TMEM117: variants seen among roughly 807,000 people sequenced by gnomAD.
TMEM117 encodes transmembrane protein 117.
TMEM117 carries 27 observed loss-of-function variants against 52.4 expected under a neutral mutation model. The observed-to-expected ratio is 0.51, with a 90% confidence interval of 0.38 to 0.71. The LOEUF is 0.71. TMEM117 is among the 30% of genes least tolerant of loss of function. The pLI is 0.00. For synonymous variants in TMEM117, 215 were observed against 206.3 expected, an observed-to-expected ratio of 1.04 and a Z score of -0.36; for missense variants, 556 against 630.5, an observed-to-expected ratio of 0.88 and a Z score of 1.26.
intron 3 of TMEM117, among the ~76,000 whole-genome samples, chr12:44,103,555 C>A (rs1294578969): frequency 6.6e-6 from 1 of 151,762 alleles, no homozygotes; most frequent in East Asian, 1.9e-4. Context: ...CTTCCTATTT[C>A]TCCTCTATTA....
chr12:44,078,415 C>A (rs1040402564), intron 3 of TMEM117, among the ~76,000 whole-genome samples: 2 of 152,196 alleles, frequency 1.3e-5, no homozygotes, highest in African/African-American at 4.8e-5. Flanking sequence ...AAGTGGCTGT[C>A]CCCAGCTGGA....
chr12:44,195,777 G>A (rs1199510104), intron 4 of TMEM117, among the ~76,000 whole-genome samples: 1 of 151,930 alleles, frequency 6.6e-6, no homozygotes, highest in Non-Finnish European at 1.5e-5. Context: ...AATTAGGCTG[G>A]ATATGGTAGC....
At chr12:44,258,917 G>A (rs1950290702) in intron 5 of TMEM117, among the ~76,000 whole-genome samples, 1 of 152,052 alleles carries the variant, frequency 6.6e-6, no homozygotes. Flanking sequence ...GAGATGTGCT[G>A]TAAGCATAAA....
At chr12:44,208,623 T>C (rs1301548306) in intron 4 of TMEM117, among the ~76,000 whole-genome samples, 3 of 151,930 alleles carry the variant, frequency 2.0e-5, no homozygotes, top group Non-Finnish European at 2.9e-5. Flanking sequence ...CTTCTGCCAA[T>C]TTAGCTACAA....
chr12:44,198,712 G>A (rs549531902), intron 4 of TMEM117, among the ~76,000 whole-genome samples: 1 of 152,226 alleles, frequency 6.6e-6, no homozygotes, highest in African/African-American at 2.4e-5. Context: ...AAAGGAACCT[G>A]GTTTGGAATT....
intron 3 of TMEM117, among the ~76,000 whole-genome samples, chr12:44,100,540 G>C (rs1267050908): frequency 6.6e-6 from 1 of 151,906 alleles, no homozygotes; most frequent in Admixed American, 6.6e-5. Context: ...GTGATGGTGT[G>C]TTTTCACCCA....
chr12:44,088,227 T>C (rs1947604824), intron 3 of TMEM117, among the ~76,000 whole-genome samples: 1 of 152,208 alleles, frequency 6.6e-6, no homozygotes, highest in Non-Finnish European at 1.5e-5. Flanking sequence ...AATTTCTGTA[T>C]AAATATGAAG....
At chr12:44,203,203 C>A (rs893883660) in intron 4 of TMEM117, among the ~76,000 whole-genome samples, 1 of 152,094 alleles carries the variant, frequency 6.6e-6, no homozygotes, top group Non-Finnish European at 1.5e-5. Context: ...TTATATGTTA[C>A]CAGGAATTTA....
downstream of TMEM117, among the ~76,000 whole-genome samples, chr12:44,391,436 G>T (rs1952161258): frequency 6.6e-6 from 1 of 152,058 alleles, no homozygotes; most frequent in Non-Finnish European, 1.5e-5. Context: ...TTCTCCATCT[G>T]CCCTAAGAGT....
chr12:44,398,659 G>T, the TMEM117 span, among the ~76,000 whole-genome samples: 2 of 152,142 alleles, frequency 1.3e-5, no homozygotes, highest in African/African-American at 4.8e-5. Flanking sequence ...AACTGCTGGG[G>T]GCAGGCTACT....
intron 1 of TMEM117, among the ~76,000 whole-genome samples, chr12:43,840,336 T>G (rs549546199): frequency 6.6e-6 from 1 of 152,248 alleles, no homozygotes; most frequent in Non-Finnish European, 1.5e-5. Flanking sequence ...TAAGAGATGC[T>G]TGTAAAGCTC....
At chr12:44,248,067 A>G (rs1290770280) in intron 5 of TMEM117, among the ~76,000 whole-genome samples, 1 of 152,184 alleles carries the variant, frequency 6.6e-6, no homozygotes, top group Non-Finnish European at 1.5e-5. Flanking sequence ...GAAGCCAAGT[A>G]TGAGGATATA....
chr12:43,954,265 A>G (rs1192118537), intron 3 of TMEM117, among the ~76,000 whole-genome samples: 3 of 152,196 alleles, frequency 2.0e-5, no homozygotes, highest in African/African-American at 4.8e-5. Context: ...GAGGAAACAA[A>G]TCTCATAGTT....
chr12:44,342,786 A>G (rs563806209), intron 6 of TMEM117, among the ~76,000 whole-genome samples: 5 of 152,274 alleles, frequency 3.3e-5, no homozygotes, highest in Admixed American at 2.6e-4. Flanking sequence ...CATCTGGCAA[A>G]TGTAGATTGA....
chr12:44,219,605 G>A (rs17094299), intron 5 of TMEM117, among the ~76,000 whole-genome samples: 16,128 of 152,044 alleles, frequency 0.11, 946 homozygotes, highest in Middle Eastern at 0.2. Flanking sequence ...AGGGTTTTCA[G>A]GGGCTTAATT....
chr12:44,226,762 A>G (rs1949867248), intron 5 of TMEM117, among the ~76,000 whole-genome samples: 1 of 152,102 alleles, frequency 6.6e-6, no homozygotes, highest in Non-Finnish European at 1.5e-5. Context: ...CAGGGCAAAG[A>G]CAGCCATCTA....
At chr12:44,392,253 GA>G (rs1952164756), downstream of TMEM117, among the ~76,000 whole-genome samples, 1 of 152,140 alleles carries the variant, frequency 6.6e-6, no homozygotes, top group Non-Finnish European at 1.5e-5. Flanking sequence ...TATTTATAAT[GA>G]AAAGAGAAGG....
At chr12:43,813,231 G>GCTTTTTTTTTTTTTTTTTTTTTTTT in the TMEM117 span, among the ~76,000 whole-genome samples, 9 of 62,664 alleles carry the variant, frequency 1.4e-4, 1 homozygote, top group African/African-American at 4.1e-4. Flanking sequence ...GTTTTCTCTT[G>GCTTTTTTTTTTTTTTTTTTTTTTTT]TTTTTTTTTT....
intron 5 of TMEM117, among the ~76,000 whole-genome samples, chr12:44,268,771 A>G (rs1257387803): frequency 3.3e-5 from 5 of 152,108 alleles, no homozygotes; most frequent in Non-Finnish European, 5.9e-5. Context: ...ACTATTTTAT[A>G]TTGAAATTGG....
Sources: gnomAD v4.1 joint callset for allele counts (sites outside exome capture counted in the v4.1 genomes callset) on GRCh38, gnomAD v4.1.1 for gene constraint, MANE v1.5 for transcripts, NCBI Gene and HGNC (gene_info 2026-07-23, HGNC 2026-07-21) for gene names.